SCLT1: variants seen among roughly 807,000 people sequenced by gnomAD.
SCLT1 encodes sodium channel-associated protein 1.
In SCLT1, 78 loss-of-function variants were observed where a neutral mutation model predicts 112.8. The observed-to-expected ratio is 0.69, with a 90% CI of 0.58 to 0.83. The LOEUF (loss-of-function observed/expected upper bound fraction) is 0.83. Among genes scored for constraint, SCLT1 ranks in the 40% least tolerant of loss-of-function variants. SCLT1 has a pLI of 0.00. For missense variants in SCLT1, 747 were observed against 770.4 expected (o/e 0.97, Z 0.36); for synonymous variants, 257 against 254.7 (o/e 1.01, Z -0.09).
chr4:128,990,924 T>C (rs954312659), intron 9 of SCLT1, among the ~76,000 whole-genome samples: 6 of 151,406 alleles, frequency 4.0e-5, no homozygotes, highest in African/African-American at 7.3e-5. Flanking sequence ...ATGAAAGAAA[T>C]TGAAGATGAC....
chr4:128,932,899 G>A (rs1736885910), intron 18 of SCLT1, among the ~76,000 whole-genome samples: 1 of 152,024 alleles, frequency 6.6e-6, no homozygotes, highest in African/African-American at 2.4e-5. Context: ...CCAAGAAGGT[G>A]AAAAATCTCT....
intron 18 of SCLT1, among the ~76,000 whole-genome samples, chr4:128,925,751 C>CT (rs1443777403): frequency 6.6e-6 from 1 of 152,052 alleles, no homozygotes. Flanking sequence ...TTTCTTTGGT[C>CT]TTTTTTTCTC....
At chr4:129,033,485 T>C (rs1353314710) in intron 5 of SCLT1, among the ~76,000 whole-genome samples, 2 of 122,042 alleles carry the variant, frequency 1.6e-5, no homozygotes, top group Non-Finnish European at 3.2e-5. Flanking sequence ...TCTGCCCATG[T>C]ATCCCAGAAC....
chr4:128,891,006 CAT>C (rs1265745866), intron 19 of SCLT1, 51 bp downstream of exon 19: 24 of 1,260,248 alleles, frequency 1.9e-5, no homozygotes, highest in African/African-American at 4.4e-5. Flanking sequence ...AATTCTATAA[CAT>C]GTGTATCATG....
At chr4:128,948,135 A>C (rs879689609) in intron 15 of SCLT1, among the ~76,000 whole-genome samples, 4 of 151,940 alleles carry the variant, frequency 2.6e-5, no homozygotes, top group African/African-American at 4.8e-5. Context: ...GGAGATAGAG[A>C]CCATCCTGGC....
intron 10 of SCLT1, among the ~76,000 whole-genome samples, chr4:128,966,532 G>A (rs1740210442): frequency 6.6e-6 from 1 of 152,104 alleles, no homozygotes; most frequent in Non-Finnish European, 1.5e-5. Context: ...TCTGCTATAA[G>A]CAGCCATCTT....
chr4:128,908,907 C>T (rs1332531172), intron 18 of SCLT1, among the ~76,000 whole-genome samples: 3 of 152,158 alleles, frequency 2.0e-5, no homozygotes, highest in African/African-American at 4.8e-5. Context: ...AGACATGCAA[C>T]GTAAGCAATA....
chr4:129,029,427 A>T (rs1746479537), intron 5 of SCLT1, among the ~76,000 whole-genome samples: 1 of 151,960 alleles, frequency 6.6e-6, no homozygotes, highest in Admixed American at 6.5e-5. Context: ...TGTCTCAAGG[A>T]CAAAAAACCA....
At chr4:129,006,082 G>T (rs1743985656) in intron 5 of SCLT1, among the ~76,000 whole-genome samples, 1 of 149,990 alleles carries the variant, frequency 6.7e-6, no homozygotes, top group African/African-American at 2.5e-5. Flanking sequence ...CAAGTTAATG[G>T]GTGCAGCACA....
At chr4:128,919,614 C>A (rs1735727491) in intron 18 of SCLT1, among the ~76,000 whole-genome samples, 1 of 151,758 alleles carries the variant, frequency 6.6e-6, no homozygotes, top group Non-Finnish European at 1.5e-5. Context: ...ATCAACAAAT[C>A]CAGAAGTTGG....
intron 17 of SCLT1, among the ~76,000 whole-genome samples, chr4:128,941,396 TA>T (rs1399823152): frequency 9.2e-5 from 14 of 152,112 alleles, no homozygotes; most frequent in Non-Finnish European, 1.2e-4. Flanking sequence ...TAAATTCTCC[TA>T]AAAAATAATG....
chr4:129,011,469 C>T (rs186868945), intron 5 of SCLT1, among the ~76,000 whole-genome samples: 2 of 152,018 alleles, frequency 1.3e-5, no homozygotes, highest in East Asian at 3.9e-4. Context: ...GGTCTATGTG[C>T]CTGTTTTTGT....
intron 18 of SCLT1, among the ~76,000 whole-genome samples, chr4:128,900,977 C>A (rs1049275653): frequency 4.6e-5 from 7 of 151,902 alleles, no homozygotes; most frequent in African/African-American, 1.7e-4. Flanking sequence ...CAATGAGATA[C>A]CATCTCACAC....
chr4:129,074,955 C>T (rs553957847), intron 2 of SCLT1, among the ~76,000 whole-genome samples: 1 of 152,240 alleles, frequency 6.6e-6, no homozygotes, highest in South Asian at 2.1e-4. Context: ...CCTGCCACAG[C>T]CTCCCAAAAT....
intron 2 of SCLT1, among the ~76,000 whole-genome samples, chr4:129,081,670 C>A (rs1238023828): frequency 6.6e-6 from 1 of 152,236 alleles, no homozygotes; most frequent in African/African-American, 2.4e-5. Context: ...CACCTTCAAC[C>A]AGGCCCCCTC....
intron 18 of SCLT1, among the ~76,000 whole-genome samples, chr4:128,893,556 T>A (rs1579298049): frequency 6.6e-6 from 1 of 152,148 alleles, no homozygotes; most frequent in East Asian, 1.9e-4. Context: ...TCTCCATTTT[T>A]TTTTGAGATG....
intron 9 of SCLT1, among the ~76,000 whole-genome samples, chr4:128,989,785 C>T (rs541861998): frequency 1.3e-5 from 2 of 151,340 alleles, no homozygotes; most frequent in African/African-American, 4.8e-5. Context: ...ACTGAAACCA[C>T]AAAAATTCAA....
At chr4:128,925,784 T>G (rs925895958) in intron 18 of SCLT1, among the ~76,000 whole-genome samples, 2 of 152,222 alleles carry the variant, frequency 1.3e-5, no homozygotes, top group African/African-American at 4.8e-5. Context: ...TTTTGGATGG[T>G]TTCTTTCGCT....
intron 5 of SCLT1, among the ~76,000 whole-genome samples, chr4:129,021,203 T>C (rs1336298652): frequency 3.3e-5 from 5 of 152,280 alleles, no homozygotes; most frequent in African/African-American, 1.2e-4. Flanking sequence ...CTGGTTACTA[T>C]GCTTTTCCCA....
Sources: gnomAD v4.1 joint callset for allele counts (sites outside exome capture counted in the v4.1 genomes callset) on GRCh38, gnomAD v4.1.1 for gene constraint, MANE v1.5 for transcripts, NCBI Gene and HGNC (gene_info 2026-07-23, HGNC 2026-07-21) for gene names.